Variants in CAPSL observed in about 807,000 individuals in gnomAD.
CAPSL encodes calcyphosine like, also known as calcyphosin-like protein.
Under a neutral mutation model 21.3 loss-of-function variants are expected in CAPSL, and 17 were observed. The ratio of observed to expected loss-of-function variants is 0.80; its 90% confidence interval spans 0.55 to 1.20. The LOEUF is 1.20. Ranked by LOEUF, CAPSL falls within the 50% of genes most tolerant of loss-of-function variation. CAPSL has a pLI of 0.00. For missense variants in CAPSL, 289 were observed against 259.3 expected, an observed-to-expected ratio of 1.11 and a Z score of -0.79; for synonymous variants, 102 against 89.3, an observed-to-expected ratio of 1.14 and a Z score of -0.80.
intron 3 of CAPSL, 22 bp from the exon 4 acceptor site, chr5:35,910,097 T>TA (rs1224806878): frequency 1.3e-6 from 2 of 1,557,770 alleles, no homozygotes; most frequent in African/African-American, 2.7e-5. Flanking sequence ...GAAGAATACA[T>TA]ACAGAGACAT....
chr5:35,920,905 C>A, intron 2 of CAPSL, 79 bp downstream of exon 2: 1 of 1,490,822 alleles, frequency 6.7e-7, no homozygotes, highest in Admixed American at 1.9e-5. Flanking sequence ...TTCCCCAAGA[C>A]CACGTGGCCA....
At chr5:35,931,825 A>G (rs1417259216) in intron 1 of CAPSL, among the ~76,000 whole-genome samples, 1 of 152,238 alleles carries the variant, frequency 6.6e-6, no homozygotes, top group Non-Finnish European at 1.5e-5. Flanking sequence ...AAGACCAACC[A>G]GGTAGCTTTC....
At chr5:35,936,200 G>A (rs2149936141) in intron 1 of CAPSL, among the ~76,000 whole-genome samples, 1 of 152,112 alleles carries the variant, frequency 6.6e-6, no homozygotes. Context: ...CGCTCTAAGG[G>A]CATCCTGACT....
chr5:35,907,820 T>A (rs1406885567), intron 4 of CAPSL, among the ~76,000 whole-genome samples: 1 of 152,222 alleles, frequency 6.6e-6, no homozygotes, highest in East Asian at 1.9e-4. Context: ...CCACAAGCAA[T>A]CTTAATATGC....
chr5:35,910,207 T>C (rs1580880028), intron 3 of CAPSL, 132 bp from the exon 4 acceptor site: 1 of 1,075,724 alleles, frequency 9.3e-7, no homozygotes, highest in Non-Finnish European at 1.3e-6. Flanking sequence ...TAATAGACAC[T>C]ACAATTGCTC....
At chr5:35,916,360 CTACTT>C (rs925123639) in intron 2 of CAPSL, among the ~76,000 whole-genome samples, 19 of 152,134 alleles carry the variant, frequency 1.2e-4, no homozygotes, top group African/African-American at 4.6e-4. Flanking sequence ...TTGGAAAAAA[CTACTT>C]TAAAGTTCAT....
intron 4 of CAPSL, among the ~76,000 whole-genome samples, chr5:35,906,887 C>A (rs1760690220): frequency 6.6e-6 from 1 of 152,128 alleles, no homozygotes; most frequent in Admixed American, 6.5e-5. Context: ...GACGTCAAGC[C>A]AGAGGTCAGA....
At chr5:35,910,980 TCA>T (rs1167304822) in intron 2 of CAPSL, among the ~76,000 whole-genome samples, 1 of 152,162 alleles carries the variant, frequency 6.6e-6, no homozygotes, top group African/African-American at 2.4e-5. Context: ...AGTCAGAAAA[TCA>T]CAGTGATGTG....
intron 2 of CAPSL, among the ~76,000 whole-genome samples, chr5:35,914,114 G>T (rs1738305129): frequency 6.6e-6 from 1 of 152,110 alleles, no homozygotes; most frequent in Admixed American, 6.5e-5. Context: ...GACAAAGAAG[G>T]CCATTACATA....
chr5:35,935,139 G>A (rs757637806), intron 1 of CAPSL, among the ~76,000 whole-genome samples: 8 of 152,136 alleles, frequency 5.3e-5, no homozygotes, highest in African/African-American at 1.7e-4. Context: ...CACTCTGAAT[G>A]TTGCCTCAGA....
At chr5:35,911,950 C>T (rs1165029719) in intron 2 of CAPSL, among the ~76,000 whole-genome samples, 1 of 152,178 alleles carries the variant, frequency 6.6e-6, no homozygotes, top group Non-Finnish European at 1.5e-5. Context: ...TCAGGGAATT[C>T]CCTTTCCTAG....
At chr5:35,936,924 A>C (rs1207985758) in intron 1 of CAPSL, among the ~76,000 whole-genome samples, 1 of 152,180 alleles carries the variant, frequency 6.6e-6, no homozygotes, top group African/African-American at 2.4e-5. Flanking sequence ...CCAGAGCCAA[A>C]TTCATTACCT....
At chr5:35,927,058 G>C (rs1738703040) in intron 1 of CAPSL, among the ~76,000 whole-genome samples, 1 of 151,910 alleles carries the variant, frequency 6.6e-6, no homozygotes, top group Non-Finnish European at 1.5e-5. Flanking sequence ...ACAGAGGCGA[G>C]ATGTGCTTGA....
At chr5:35,934,301 A>G (rs974865921) in intron 1 of CAPSL, among the ~76,000 whole-genome samples, 1 of 152,200 alleles carries the variant, frequency 6.6e-6, no homozygotes, top group African/African-American at 2.4e-5. Context: ...CTTGGGACCA[A>G]GCATACCTTC....
chr5:35,905,978 T>C (rs1307709555), intron 4 of CAPSL, among the ~76,000 whole-genome samples: 1 of 152,218 alleles, frequency 6.6e-6, no homozygotes. Context: ...TAACTGGGAA[T>C]ATCAAAGATA....
chr5:35,925,765 C>T (rs1048423261), intron 1 of CAPSL, among the ~76,000 whole-genome samples: 2 of 151,922 alleles, frequency 1.3e-5, no homozygotes, highest in Non-Finnish European at 1.5e-5. Flanking sequence ...AAAAAGTCTT[C>T]TTAAAAAACA....
At chr5:35,918,761 A>T (rs1435210753) in intron 2 of CAPSL, among the ~76,000 whole-genome samples, 10 of 152,170 alleles carry the variant, frequency 6.6e-5, no homozygotes, top group Non-Finnish European at 1.5e-5. Context: ...TGAGAACTTT[A>T]CCCATAAGAG....
chr5:35,911,496 G>A (rs1738222314), intron 2 of CAPSL, among the ~76,000 whole-genome samples: 1 of 152,112 alleles, frequency 6.6e-6, no homozygotes, highest in African/African-American at 2.4e-5. Context: ...AATTCCAATA[G>A]GTGGGCATCC....
At chr5:35,920,462 C>A (rs11955657) in intron 2 of CAPSL, among the ~76,000 whole-genome samples, 61,996 of 152,002 alleles carry the variant, frequency 0.41, 13,092 homozygotes, top group African/African-American at 0.46. Flanking sequence ...ACTATTCACA[C>A]TCAGAGGACA....
Sources: gnomAD v4.1 joint callset for allele counts (sites outside exome capture counted in the v4.1 genomes callset) on GRCh38, gnomAD v4.1.1 for gene constraint, MANE v1.5 for transcripts, NCBI Gene and HGNC (gene_info 2026-07-23, HGNC 2026-07-21) for gene names.